RBPJ: variants seen among roughly 807,000 people sequenced by gnomAD.
RBPJ encodes recombination signal binding protein for immunoglobulin kappa J region.
In RBPJ, 9 loss-of-function variants were observed where a neutral mutation model predicts 67.8. That is an observed-to-expected ratio of 0.13 (90% CI 0.08 to 0.23). The LOEUF (loss-of-function observed/expected upper bound fraction) is 0.23. Among genes scored for constraint, RBPJ ranks in the 10% least tolerant of loss-of-function variants. The pLI is 1.00. For missense variants in RBPJ, 305 were observed against 595.6 expected (o/e 0.51, Z 5.08); for synonymous variants, 198 against 203.3 (o/e 0.97, Z 0.22).
chr4:26,204,494 A>G (rs922649461), intron 1 of RBPJ, among the ~76,000 whole-genome samples: 16 of 152,176 alleles, frequency 1.1e-4, no homozygotes, highest in African/African-American at 3.9e-4. Context: ...GCAGTTACAC[A>G]ATGTGCTTAT....
At chr4:26,319,571 C>A, upstream of RBPJ, 1 of 500,604 alleles carries the variant, frequency 2.0e-6, no homozygotes, top group East Asian at 4.0e-5. Flanking sequence ...GCCTTGGCTC[C>A]GCGAGATTTG....
the RBPJ span, among the ~76,000 whole-genome samples, chr4:26,120,771 A>G: frequency 1.8e-5 from 2 of 111,536 alleles, no homozygotes; most frequent in African/African-American, 7.1e-5. Context: ...TCCCAGCTTT[A>G]TAGATGAGAC....
intron 1 of RBPJ, among the ~76,000 whole-genome samples, chr4:26,274,239 A>G (rs1721009583): frequency 6.6e-6 from 1 of 152,202 alleles, no homozygotes; most frequent in Non-Finnish European, 1.5e-5. Flanking sequence ...CCACATACAT[A>G]GTAGGCGCTC....
chr4:26,145,844 T>C, the RBPJ span, among the ~76,000 whole-genome samples: 1 of 152,188 alleles, frequency 6.6e-6, no homozygotes, highest in Non-Finnish European at 1.5e-5. Flanking sequence ...AAGAGACAAA[T>C]GATACCAAAG....
the RBPJ span, among the ~76,000 whole-genome samples, chr4:26,153,884 G>T: frequency 6.6e-6 from 1 of 152,100 alleles, no homozygotes; most frequent in Non-Finnish European, 1.5e-5. Context: ...GGAGGCGGAG[G>T]TTGCAGTGAG....
chr4:26,165,263 G>T (rs1348494776), intron 1 of RBPJ, among the ~76,000 whole-genome samples: 1 of 152,092 alleles, frequency 6.6e-6, no homozygotes, highest in East Asian at 1.9e-4. Flanking sequence ...CTCCATTTCT[G>T]CAGTTTAGCT....
chr4:26,253,576 G>T (rs1720192272), intron 1 of RBPJ, among the ~76,000 whole-genome samples: 1 of 151,182 alleles, frequency 6.6e-6, no homozygotes, highest in South Asian at 2.1e-4. Flanking sequence ...CTCCCAAAGT[G>T]CTGGGTTAAT....
intron 1 of RBPJ, among the ~76,000 whole-genome samples, chr4:26,283,600 C>T (rs533395338): frequency 6.6e-6 from 1 of 151,450 alleles, no homozygotes; most frequent in South Asian, 2.1e-4. Flanking sequence ...CAAAAGGGGC[C>T]TGAGGCTACT....
Position 26,432,384 on chromosome 4 carries a change from T to C in RBPJ, c.*1377T>C, listed in dbSNP as rs1290757785. The stretch of plus-strand genomic sequence containing the variant: ...GATTATAAAATGCAAATGTAACTTA[T>C]GTTTTCATTTTTTTCTCTGCCTTTT... On this transcript the variant is annotated 3_prime_UTR_variant, in exon 11 of 11. Transcript: ENST00000355476. The C allele has an allele frequency of 1.2e-4, 19 of 152,232 alleles. No homozygotes were observed. Among genetic ancestry groups the C allele is most frequent in the Admixed American group, 1.0e-3 (16 of 15,284 alleles). 9.4% of individuals were successfully genotyped at this position (152,232 alleles called of 1,614,324 possible). A position where few individuals can be genotyped will look rare whatever the true frequency, so the allele number is the denominator to read the frequency against.
At chr4:26,253,307 C>CTTTTTTTTTTTTTT (rs1182769419) in intron 1 of RBPJ, among the ~76,000 whole-genome samples, 2 of 114,400 alleles carry the variant, frequency 1.7e-5, no homozygotes, top group East Asian at 2.4e-4. Context: ...TCTGCTATTT[C>CTTTTTTTTTTTTTT]TTTTTTTTTT....
chr4:26,215,304 G>C (rs1171213541), intron 1 of RBPJ, among the ~76,000 whole-genome samples: 1 of 118,262 alleles, frequency 8.5e-6, no homozygotes, highest in Non-Finnish European at 1.7e-5. Flanking sequence ...GAAAAAGAGA[G>C]AGAAAAGAGA....
intron 1 of RBPJ, among the ~76,000 whole-genome samples, chr4:26,314,052 A>G (rs1452071602): frequency 3.9e-5 from 6 of 152,186 alleles, no homozygotes; most frequent in African/African-American, 7.2e-5. Flanking sequence ...ATCCAGCTGT[A>G]GAGTCCTTTA....
At chr4:26,130,433 G>C in the RBPJ span, among the ~76,000 whole-genome samples, 15 of 152,114 alleles carry the variant, frequency 9.9e-5, no homozygotes, top group Non-Finnish European at 1.5e-4. Flanking sequence ...GGGTTTGTCA[G>C]CTTCTGTGGG....
the RBPJ span, among the ~76,000 whole-genome samples, chr4:26,140,480 C>T: frequency 3.3e-5 from 5 of 152,276 alleles, no homozygotes; most frequent in Admixed American, 3.3e-4. Context: ...CTCCTCCCTG[C>T]GTTGATTCTA....
At chr4:26,250,359 TCTCA>T (rs1325972821) in intron 1 of RBPJ, among the ~76,000 whole-genome samples, 2 of 135,950 alleles carry the variant, frequency 1.5e-5, no homozygotes, top group East Asian at 4.3e-4. Flanking sequence ...TGAAATGGAG[TCTCA>T]CTCTGTCACC....
intron 1 of RBPJ, among the ~76,000 whole-genome samples, chr4:26,259,776 A>T (rs1370887769): frequency 6.6e-6 from 1 of 152,072 alleles, no homozygotes; most frequent in Non-Finnish European, 1.5e-5. Flanking sequence ...AACAAGATGA[A>T]TTTTTTCCTT....
At chr4:26,132,925 T>G in the RBPJ span, among the ~76,000 whole-genome samples, 1 of 152,048 alleles carries the variant, frequency 6.6e-6, no homozygotes, top group South Asian at 2.1e-4. Flanking sequence ...CATAGGTGGG[T>G]TTTCGTACTG....
chr4:26,268,011 T>C (rs577837271), intron 1 of RBPJ, among the ~76,000 whole-genome samples: 1 of 152,284 alleles, frequency 6.6e-6, no homozygotes, highest in East Asian at 1.9e-4. Flanking sequence ...ACTATAAAAA[T>C]AAAAATGATT....
intron 1 of RBPJ, among the ~76,000 whole-genome samples, chr4:26,376,407 G>A (rs567854861): frequency 2.5e-4 from 38 of 152,176 alleles, no homozygotes; most frequent in African/African-American, 8.9e-4. Context: ...GGCTTATTTC[G>A]CTTAGCATGT....
Sources: gnomAD v4.1 joint callset for allele counts (sites outside exome capture counted in the v4.1 genomes callset) on GRCh38, gnomAD v4.1.1 for gene constraint, MANE v1.5 for transcripts, NCBI Gene and HGNC (gene_info 2026-07-23, HGNC 2026-07-21) for gene names.